Variants in ELL2 observed in about 807,000 individuals in gnomAD.
ELL2 encodes elongation factor for RNA polymerase II 2, also known as RNA polymerase II elongation factor ELL2.
ELL2 carries 21 observed loss-of-function variants against 72.8 expected under a neutral mutation model. That is an observed-to-expected ratio of 0.29 (90% CI 0.20 to 0.42). The LOEUF (loss-of-function observed/expected upper bound fraction) is 0.42, where lower values mean the gene tolerates loss of function less well. ELL2 is among the 10% of genes least tolerant of loss of function. The probability of loss-of-function intolerance (pLI) is 1.00; values close to 1 mark genes in which losing one functional copy is unlikely to be tolerated. For missense variants in ELL2, 568 were observed against 772.8 expected (o/e 0.73, Z 3.14); for synonymous variants, 266 against 283.2 (o/e 0.94, Z 0.61).
intron 10 of ELL2, among the ~76,000 whole-genome samples, chr5:95,890,199 C>T (rs1748607249): frequency 1.3e-5 from 2 of 152,128 alleles, no homozygotes; most frequent in Non-Finnish European, 2.9e-5. Context: ...ACCTCTTGCA[C>T]CTCTGAACAC....
chr5:95,935,969 T>C (rs1750758908), intron 2 of ELL2, among the ~76,000 whole-genome samples: 2 of 152,230 alleles, frequency 1.3e-5, no homozygotes, highest in South Asian at 4.1e-4. Flanking sequence ...TCTCCTACCA[T>C]GTTTGGTAAG....
intron 1 of ELL2, among the ~76,000 whole-genome samples, chr5:95,954,224 C>T (rs534524405): frequency 1.3e-5 from 2 of 152,056 alleles, no homozygotes; most frequent in African/African-American, 2.4e-5. Context: ...TCATTATCAA[C>T]TAAAAGACTG....
intron 5 of ELL2, 58 bp downstream of exon 5, chr5:95,906,465 T>C (rs1398516024): frequency 2.7e-6 from 4 of 1,507,120 alleles, no homozygotes; most frequent in Non-Finnish European, 3.6e-6. Context: ...CAAGCTTTTT[T>C]AAATGAACAT....
chr5:95,906,732 G>C lies in ELL2; in HGVS notation c.532C>G (p.Pro178Ala). 6.2e-7 allele frequency: 1 copy of C among 1,613,810 alleles called. No individual in the cohort carries two copies. The highest frequency in any genetic ancestry group is 8.5e-7 in the Non-Finnish European group (1 of 1,179,862). The change falls in exon 5 of 12, where the codon CCT becomes GCT. Residue 178 changes from proline to alanine, a missense_variant. Coordinates refer to ENST00000237853, the MANE Select transcript of ELL2 (RefSeq NM_012081.6). ...KAPQAVSDTV[P>A]ERKRSTPMNP... ...ATGGGGGTTGACCTTTTCCTCTCAG[G>C]AACTGTATCTGAAACAGCTTGAGGT... is the stretch of plus-strand genomic sequence containing the variant.
intron 1 of ELL2, among the ~76,000 whole-genome samples, chr5:95,958,059 G>C (rs1210303030): frequency 6.6e-6 from 1 of 152,220 alleles, no homozygotes; most frequent in Non-Finnish European, 1.5e-5. Flanking sequence ...AAGAGAAGGA[G>C]TAATAGTCAT....
chr5:95,938,258 G>GA (rs1234831458), intron 2 of ELL2, among the ~76,000 whole-genome samples: 2 of 152,100 alleles, frequency 1.3e-5, no homozygotes, highest in African/African-American at 4.8e-5. Context: ...TTCATCTTCG[G>GA]AAGGTCATTG....
chr5:95,919,854 AAG>A (rs1749980512), intron 2 of ELL2, among the ~76,000 whole-genome samples: 1 of 152,204 alleles, frequency 6.6e-6, no homozygotes, highest in Admixed American at 6.5e-5. Context: ...GTTCTTATGA[AAG>A]AGTTATTAGT....
At chr5:95,939,356 C>T (rs1750889470) in intron 2 of ELL2, among the ~76,000 whole-genome samples, 1 of 132,538 alleles carries the variant, frequency 7.5e-6, no homozygotes, top group African/African-American at 3.4e-5. Flanking sequence ...GGAGCCCATG[C>T]CATGCCCATC....
chr5:95,909,529 A>G (rs561588505), intron 4 of ELL2, among the ~76,000 whole-genome samples: 24 of 127,100 alleles, frequency 1.9e-4, no homozygotes, highest in Non-Finnish European at 1.6e-4. Flanking sequence ...TGAGATGCTA[A>G]AAGAAAAAAT....
At chr5:95,889,178 TG>T in intron 10 of ELL2, 48 bp from the exon 11 acceptor site, 1 of 1,440,412 alleles carries the variant, frequency 6.9e-7, no homozygotes, top group Non-Finnish European at 9.6e-7. Flanking sequence ...TTCTTTTGTG[TG>T]TGGCAATACA....
At chr5:95,909,116 T>G (rs1260105292) in intron 4 of ELL2, among the ~76,000 whole-genome samples, 2 of 152,198 alleles carry the variant, frequency 1.3e-5, no homozygotes. Context: ...AAAGCAGGTA[T>G]GGAGAAGACA....
chr5:95,898,541 T>C lies in ELL2; in HGVS notation c.1224A>G (p.Gln408=), dbSNP rs1211423283. ...SPSTPEGRGT[Q]DLPVDSFSQN... ...GACTAAAACTGTCAACAGGTAGGTC[T>C]TGAGTCCCCCGGCCTTCTGGAGTGC... Residue 408 remains glutamine, a synonymous_variant, in exon 8 of 12, where the codon CAA becomes CAG. Coordinates refer to ENST00000237853, the MANE Select transcript of ELL2 (RefSeq NM_012081.6). 2 of 1,614,156 alleles carry C rather than the reference T, an allele frequency of 1.2e-6. No homozygotes were observed. The highest frequency in any genetic ancestry group is 8.5e-7 in the Non-Finnish European group (1 of 1,180,042).
intron 2 of ELL2, among the ~76,000 whole-genome samples, chr5:95,929,362 G>A (rs555038933): frequency 3.4e-4 from 51 of 150,998 alleles, no homozygotes; most frequent in Middle Eastern, 3.4e-3. Flanking sequence ...GGGTTCAAGC[G>A]ATTCTCCTGC....
chr5:95,891,000 G>A lies in ELL2; in HGVS notation c.1761+103C>T, dbSNP rs767284551. On this transcript the variant is annotated intron_variant, in intron 10 of 11. Transcript: ENST00000237853. ...GCAGCAGCGAGGCTGGTCTGCAAGA[G>A]TACTTACTCTAAAGGCCACTGTGAT... The A allele has an allele frequency of 1.1e-5, 15 of 1,366,596 alleles. No individual in the cohort carries two copies. The African/African-American group carries it at 1.7e-4, about 16-fold the overall frequency. 84.7% of individuals were successfully genotyped at this position (1,366,596 alleles called of 1,614,324 possible).
At chr5:95,924,229 C>G (rs1268014091) in intron 2 of ELL2, among the ~76,000 whole-genome samples, 1 of 152,168 alleles carries the variant, frequency 6.6e-6, no homozygotes, top group African/African-American at 2.4e-5. Flanking sequence ...CATTGTGTAT[C>G]TACACAGTTC....
At chr5:95,890,447 G>A (rs770050060) in intron 10 of ELL2, among the ~76,000 whole-genome samples, 1 of 152,202 alleles carries the variant, frequency 6.6e-6, no homozygotes. Context: ...TAGCCCACAC[G>A]GGAGGGAAAT....
chr5:95,915,295 G>T (rs1749745336), intron 3 of ELL2, among the ~76,000 whole-genome samples: 2 of 152,280 alleles, frequency 1.3e-5, no homozygotes, highest in South Asian at 4.1e-4. Flanking sequence ...TAGAGACAGG[G>T]TTTCACCATG....
chr5:95,930,462 A>C (rs936927042), intron 2 of ELL2, among the ~76,000 whole-genome samples: 5 of 152,236 alleles, frequency 3.3e-5, no homozygotes, highest in Admixed American at 3.3e-4. Context: ...ACCCCAACCT[A>C]ATCAATGTCA....
At chr5:95,914,002 T>C in intron 3 of ELL2, 68 bp from the exon 4 acceptor site, 1 of 1,399,478 alleles carries the variant, frequency 7.1e-7, no homozygotes, top group Non-Finnish European at 9.4e-7. Flanking sequence ...AAACAAGAAT[T>C]ATATAATCCT....
Sources: gnomAD v4.1 joint callset for allele counts (sites outside exome capture counted in the v4.1 genomes callset) on GRCh38, gnomAD v4.1.1 for gene constraint, MANE v1.5 for transcripts, NCBI Gene and HGNC (gene_info 2026-07-23, HGNC 2026-07-21) for gene names.